The following MAP4K4 variants were observed in gnomAD, a reference collection of about 807,000 sequenced individuals.
The protein encoded by MAP4K4 is mitogen-activated protein kinase kinase kinase kinase 4, also known as HPK/GCK-like kinase HGK.
A neutral mutation model predicts 189.6 loss-of-function variants in MAP4K4; 38 were observed. The observed-to-expected ratio is 0.20, with a 90% CI of 0.15 to 0.26. The LOEUF (loss-of-function observed/expected upper bound fraction) is 0.26, where lower values mean the gene tolerates loss of function less well. Ranked by LOEUF, MAP4K4 falls within the 10% of genes least tolerant of loss-of-function variation. The pLI is 1.00. For synonymous variants in MAP4K4, 610 were observed against 624.3 expected (o/e 0.98, Z 0.34); for missense variants, 1,054 against 1,726.9 (o/e 0.61, Z 6.91).
At chr2:101,870,447 A>C (rs962284908) in intron 23 of MAP4K4, 32 bp downstream of exon 23, 2 of 1,611,478 alleles carry the variant, frequency 1.2e-6, no homozygotes, top group African/African-American at 2.7e-5. Context: ...TCAGAGGCTG[A>C]GCTTCTCCTG....
Position 101,715,995 on chromosome 2 carries a change from T to C in MAP4K4, c.123+17457T>C, listed in dbSNP as rs545953854. Among the ~76,000 whole-genome samples, 11 of 152,296 alleles carry C rather than the reference T, an allele frequency of 7.2e-5. No homozygotes were observed. The East Asian group carries it at 1.9e-3, about 27-fold the overall frequency. ...CTAGGTTGTACACTCTTTCTGAGGA[T>C]CTAATGCCTGATGATCTGTCACTGT... On this transcript the variant is annotated intron_variant, in intron 2 of 32. Coordinates refer to ENST00000324219, the Ensembl canonical transcript of MAP4K4.
At chr2:101,785,695 TC>T (rs1558913646) in intron 2 of MAP4K4, among the ~76,000 whole-genome samples, 1 of 4,434 alleles carries the variant, frequency 2.3e-4, no homozygotes, top group South Asian at 0.01. Context: ...TCTCTCTCTC[TC>T]TCTCTCTCTC....
At chr2:101,815,390 A>G (rs528973224) in intron 3 of MAP4K4, among the ~76,000 whole-genome samples, 4 of 152,302 alleles carry the variant, frequency 2.6e-5, no homozygotes, top group African/African-American at 7.2e-5. Flanking sequence ...AGGTTCCTTC[A>G]TGGGTAGATG....
chr2:101,714,188 T>C (rs1395919359), intron 2 of MAP4K4, among the ~76,000 whole-genome samples: 1 of 152,200 alleles, frequency 6.6e-6, no homozygotes, highest in African/African-American at 2.4e-5. Context: ...TTGTTATTCT[T>C]ATACTTTCAA....
At chr2:101,770,724 C>G (rs2081010033) in intron 2 of MAP4K4, among the ~76,000 whole-genome samples, 1 of 152,204 alleles carries the variant, frequency 6.6e-6, no homozygotes, top group Admixed American at 6.5e-5. Context: ...TTCTTGCCTA[C>G]TGCCCATGGA....
chr2:101,890,771 T>G (rs1236212731), intron 32 of MAP4K4, among the ~76,000 whole-genome samples: 1 of 151,520 alleles, frequency 6.6e-6, no homozygotes, highest in Admixed American at 6.6e-5. Flanking sequence ...TTTATTTATT[T>G]ATTTTTTGAG....
chr2:101,770,828 A>C (rs2150348707), intron 2 of MAP4K4, among the ~76,000 whole-genome samples: 1 of 152,278 alleles, frequency 6.6e-6, no homozygotes, highest in East Asian at 1.9e-4. Flanking sequence ...CCCAGTGGAC[A>C]TTTAAACTGG....
chr2:101,829,749 C>T, intron 6 of MAP4K4, 155 bp downstream of exon 6: 1 of 585,772 alleles, frequency 1.7e-6, no homozygotes, highest in Non-Finnish European at 3.1e-6. Flanking sequence ...TATTACTTAG[C>T]TTGGCTCCAG....
chr2:101,701,359 G>GA, intron 2 of MAP4K4, among the ~76,000 whole-genome samples: 1 of 152,158 alleles, frequency 6.6e-6, no homozygotes, highest in African/African-American at 2.4e-5. Flanking sequence ...AAAGGGAGGG[G>GA]GAGGGGTGTG....
chr2:101,712,754 T>C (rs114402821), intron 2 of MAP4K4, among the ~76,000 whole-genome samples: 10,104 of 151,530 alleles, frequency 0.067, 423 homozygotes, highest in African/African-American at 0.12. Context: ...TCTCGGCCTC[T>C]CCACGTGCAG....
At chr2:101,707,784 G>A (rs1295029238) in intron 2 of MAP4K4, among the ~76,000 whole-genome samples, 3 of 149,552 alleles carry the variant, frequency 2.0e-5, no homozygotes, top group African/African-American at 5.0e-5. Context: ...TCTGCCTCCC[G>A]GGTTCACGCC....
intron 2 of MAP4K4, among the ~76,000 whole-genome samples, chr2:101,754,325 G>A (rs1443454239): frequency 6.8e-6 from 1 of 146,316 alleles, no homozygotes; most frequent in African/African-American, 2.5e-5. Flanking sequence ...GCTTTGAGTT[G>A]GGAAGCTTTT....
At position 101,847,154 on chromosome 2, in the gene MAP4K4, T is replaced by TG. The variant is rs543506439; in HGVS notation, c.1233+2846dup. 2.3e-4 allele frequency among the ~76,000 whole-genome samples: 35 copies of TG among 152,356 alleles called. No individual in the cohort carries two copies. In the East Asian group the frequency reaches 5.8e-3, roughly 25 times the overall value. On this transcript the variant is annotated intron_variant, in intron 12 of 32. Transcript: ENST00000324219. ...ACATCATAGCCATTGTAACGTGTAA[T>TG]GGGTTGTAGCGCAACCTGTTACTCA... is the stretch of plus-strand genomic sequence containing the variant.
chr2:101,888,925 G>A (rs762573853), exon 32 of MAP4K4: 10 of 1,610,842 alleles, frequency 6.2e-6, no homozygotes, highest in African/African-American at 4.0e-5. Context: ...TTGTGTGAAC[G>A]CAATGACAAG....
intron 2 of MAP4K4, among the ~76,000 whole-genome samples, chr2:101,761,121 A>G (rs1055118832): frequency 6.6e-6 from 1 of 152,244 alleles, no homozygotes. Flanking sequence ...CCTAGAACAG[A>G]ATGTCAAGGC....
At chr2:101,723,443 G>A (rs1465301088) in intron 2 of MAP4K4, among the ~76,000 whole-genome samples, 2 of 152,140 alleles carry the variant, frequency 1.3e-5, no homozygotes, top group African/African-American at 2.4e-5. Context: ...AAGCAGAGAC[G>A]GTAGATAAAG....
At position 101,753,663 on chromosome 2, in the gene MAP4K4, GT is replaced by G. The variant is rs57671185; in HGVS notation, c.124-37043del. Among the ~76,000 whole-genome samples, 1,211 of 143,052 alleles carry G rather than the reference GT, an allele frequency of 8.5e-3. 14 individuals are homozygous for G. Among genetic ancestry groups the G allele is most frequent in the African/African-American group, 0.023 (908 of 39,144 alleles). 93.8% of individuals were successfully genotyped at this position (143,052 alleles called of 152,430 possible). On this transcript the variant is annotated intron_variant, in intron 2 of 32. Coordinates refer to ENST00000324219, the Ensembl canonical transcript of MAP4K4. Reference sequence around the variant, plus strand: ...AGACATTTTTGTCCGCAAGTATACAGTTTTTTTTTTTTTTCCTTAGCCCAGC... The same window carrying G: ...AGACATTTTTGTCCGCAAGTATACAGTTTTTTTTTTTTTCCTTAGCCCAGC...
intron 4 of MAP4K4, 63 bp downstream of exon 4, chr2:101,824,116 G>A (rs1482921948): frequency 1.5e-5 from 18 of 1,194,162 alleles, no homozygotes; most frequent in South Asian, 3.7e-5. Flanking sequence ...AGGGCATGGC[G>A]GGGGTGGGGG....
chr2:101,787,100 T>TA (rs796890434), intron 2 of MAP4K4, among the ~76,000 whole-genome samples: 1 of 152,210 alleles, frequency 6.6e-6, no homozygotes, highest in East Asian at 1.9e-4. Flanking sequence ...GAATGGATGA[T>TA]ACAAGGGAAA....
Sources: gnomAD v4.1 joint callset for allele counts (sites outside exome capture counted in the v4.1 genomes callset) on GRCh38, gnomAD v4.1.1 for gene constraint, MANE v1.5 for transcripts, NCBI Gene and HGNC (gene_info 2026-07-23, HGNC 2026-07-21) for gene names.